KIF1B: variants seen among roughly 807,000 people sequenced by gnomAD.
KIF1B encodes the protein kinesin family member 1B.
A neutral mutation model predicts 241.9 loss-of-function variants in KIF1B; 76 were observed. That is an observed-to-expected ratio of 0.31 (90% CI 0.26 to 0.38). The LOEUF is 0.38. Among genes scored for constraint, KIF1B ranks in the 10% least tolerant of loss-of-function variants. KIF1B has a pLI of 1.00. For synonymous variants in KIF1B, 750 were observed against 796.7 expected (o/e 0.94, Z 0.99); for missense variants, 1,622 against 2,271.4 (o/e 0.71, Z 5.81).
At chr1:10,274,748 T>A (rs1476075136) in intron 10 of KIF1B, among the ~76,000 whole-genome samples, 1 of 97,284 alleles carries the variant, frequency 1.0e-5, no homozygotes, top group Non-Finnish European at 2.3e-5. Flanking sequence ...GTTAGGGAAT[T>A]ATTGTTTATT....
rs58344165 is a variant in KIF1B at position 10,297,148 on chromosome 1, ATT to A, written c.2043-10_2043-9del. 13,103 of 1,456,476 alleles carry A rather than the reference ATT, an allele frequency of 9.0e-3. No individual in the cohort carries two copies. The highest frequency in any genetic ancestry group is 0.01 in the Admixed American group (583 of 55,860). 90.2% of individuals were successfully genotyped at this position (1,456,476 alleles called of 1,614,324 possible). ...CATGTAATACTAATAGCATTCTTGA[ATT>A]TTTTTTTTTTTTTTTACTTCTAGGC... is the stretch of plus-strand genomic sequence containing the variant. On this transcript the variant is annotated intron_variant, in intron 21 of 48. Coordinates refer to ENST00000676179, the MANE Select transcript of KIF1B (RefSeq NM_001365951.3).
chr1:10,331,612 C>A (rs1159851609), intron 27 of KIF1B, among the ~76,000 whole-genome samples: 1 of 152,088 alleles, frequency 6.6e-6, no homozygotes, highest in Non-Finnish European at 1.5e-5. Flanking sequence ...GTTGAAATCC[C>A]AAATACCCAG....
intron 2 of KIF1B, among the ~76,000 whole-genome samples, chr1:10,246,541 G>C (rs993274447): frequency 6.6e-6 from 1 of 152,044 alleles, no homozygotes; most frequent in African/African-American, 2.4e-5. Context: ...GTCAAGAGTT[G>C]GAGACCAGCC....
rs773883375 is a variant in KIF1B at position 10,342,033 on chromosome 1, ATC to A, written c.3514-15_3514-14del. The A allele has an allele frequency of 6.8e-6, 10 of 1,470,162 alleles. No homozygotes were observed. The highest frequency in any genetic ancestry group is 9.5e-6 in the Non-Finnish European group (10 of 1,049,098). The allele number at this position is 1,470,162 out of a possible 1,614,324, so 91.1% of individuals were successfully genotyped here. ...TGTATTTTCTTGTAATCTTTTCCTA[ATC>A]TTGCTTGGCTTTAGATTGCAGTGGA... On this transcript the variant is annotated splice_polypyrimidine_tract_variant and intron_variant, in intron 32 of 48. Transcript: ENST00000676179.
At chr1:10,261,716 G>A (rs565648769) in intron 4 of KIF1B, among the ~76,000 whole-genome samples, 189 bp from the exon 5 acceptor site, 21 of 152,258 alleles carry the variant, frequency 1.4e-4, no homozygotes, top group African/African-American at 5.1e-4. Context: ...GTCCATCGTT[G>A]ACCGAATCAT....
chr1:10,322,548 G>T (rs944417143), intron 24 of KIF1B, among the ~76,000 whole-genome samples: 1 of 152,136 alleles, frequency 6.6e-6, no homozygotes, highest in Admixed American at 6.5e-5. Context: ...GTATGCCCCC[G>T]TGTTTATCAG....
At chr1:10,352,200 C>T (rs1483670300) in intron 37 of KIF1B, among the ~76,000 whole-genome samples, 8 of 139,072 alleles carry the variant, frequency 5.8e-5, no homozygotes, top group African/African-American at 2.2e-4. Flanking sequence ...AATAGCAGGT[C>T]AGAAGTTGCT....
At chr1:10,221,473 C>G (rs1306714583) in intron 1 of KIF1B, among the ~76,000 whole-genome samples, 2 of 152,084 alleles carry the variant, frequency 1.3e-5, no homozygotes, top group African/African-American at 2.4e-5. Context: ...AGTCAAAAAT[C>G]AAGAATAAAT....
Position 10,336,658 on chromosome 1 carries a change from G to A in KIF1B, c.3045G>A (p.Ala1015=), listed in dbSNP as rs772919031. 8.7e-6 allele frequency: 14 copies of A among 1,613,480 alleles called. No homozygotes were observed. In the Admixed American group the frequency reaches 1.3e-4, roughly 15 times the overall value. The stretch of plus-strand genomic sequence containing the variant: ...TGCTAATTTTTTTTTCTGCTTTAGC[G>A]GATGAAGAAGCTCCTGATTATGGCT... ...FLRVAVQAIA[A]DEEAPDYGSG... Residue 1015 remains alanine, a splice_region_variant and synonymous_variant, in exon 29 of 49, where the codon GCG becomes GCA. Transcript: ENST00000676179.
At chr1:10,341,978 C>T (rs1369562859) in intron 32 of KIF1B, 72 bp from the exon 33 acceptor site, 34 of 909,570 alleles carry the variant, frequency 3.7e-5, no homozygotes, top group Admixed American at 8.0e-5. Context: ...ACCCAAAATA[C>T]GTACTAAAGT....
At chr1:10,249,514 A>C (rs1647323617) in intron 2 of KIF1B, among the ~76,000 whole-genome samples, 1 of 152,210 alleles carries the variant, frequency 6.6e-6, no homozygotes, top group South Asian at 2.1e-4. Context: ...ACATGGTCCA[A>C]GCACTTTGAG....
At chr1:10,282,582 A>G (rs1255572472) in intron 15 of KIF1B, 49 bp downstream of exon 15, 1 of 1,418,048 alleles carries the variant, frequency 7.1e-7, no homozygotes, top group African/African-American at 1.4e-5. Flanking sequence ...TAGCTCCACA[A>G]GGAAGAACTA....
rs1439280507 is a variant in KIF1B, at chr1:10,256,333, C to T, written c.183+10C>T. On this transcript the variant is annotated intron_variant, in intron 3 of 48. Coordinates refer to ENST00000676179, the MANE Select transcript of KIF1B (RefSeq NM_001365951.3). Reference sequence around the variant, plus strand: ...CTGGTCTCATACCTCAGTGAGTACCCTCATGCCACAGCACTGCCAGCTCCT... The same window carrying T: ...CTGGTCTCATACCTCAGTGAGTACCTTCATGCCACAGCACTGCCAGCTCCT... 6.3e-7 allele frequency: 1 copy of T among 1,579,472 alleles called. No individual in the cohort carries two copies. The highest frequency in any genetic ancestry group is 8.7e-7 in the Non-Finnish European group (1 of 1,148,402).
intron 22 of KIF1B, among the ~76,000 whole-genome samples, chr1:10,319,299 T>A (rs565611007): frequency 9.2e-5 from 14 of 152,132 alleles, no homozygotes; most frequent in Admixed American, 5.2e-4. Context: ...ACAGGGTTTC[T>A]CCATGTTGGT....
At chr1:10,244,571 C>CA (rs1278112041) in intron 2 of KIF1B, among the ~76,000 whole-genome samples, 1 of 150,902 alleles carries the variant, frequency 6.6e-6, no homozygotes, top group African/African-American at 2.4e-5. Flanking sequence ...CTCAGCCTCC[C>CA]AAAGTGCTGG....
At chr1:10,266,270 A>G (rs1207646881) in intron 5 of KIF1B, among the ~76,000 whole-genome samples, 1 of 152,202 alleles carries the variant, frequency 6.6e-6, no homozygotes, top group Admixed American at 6.5e-5. Flanking sequence ...TCGCAAGACT[A>G]TTTAATATAT....
At chr1:10,297,771 C>T (rs1289405980) in intron 22 of KIF1B, among the ~76,000 whole-genome samples, 1 of 151,892 alleles carries the variant, frequency 6.6e-6, no homozygotes, top group Non-Finnish European at 1.5e-5. Context: ...CTTTCCTTAT[C>T]CCCTGCATGG....
chr1:10,257,986 C>T (rs79100254), intron 3 of KIF1B, among the ~76,000 whole-genome samples: 1 of 152,096 alleles, frequency 6.6e-6, no homozygotes, highest in African/African-American at 2.4e-5. Flanking sequence ...CCTGGGGAAT[C>T]GATGTTTTAA....
chr1:10,317,607 G>A (rs1292850363), intron 22 of KIF1B, among the ~76,000 whole-genome samples: 4 of 151,294 alleles, frequency 2.6e-5, no homozygotes, highest in Middle Eastern at 3.4e-3. Flanking sequence ...CGAGGTGGGC[G>A]GATCACGAGG....
Sources: allele counts gnomAD v4.1 joint callset (sites outside exome capture counted in the v4.1 genomes callset), GRCh38; gene constraint gnomAD v4.1.1; transcripts MANE v1.5; gene names NCBI Gene and HGNC (gene_info 2026-07-23, HGNC 2026-07-21).